Variants in NRG1 observed in about 807,000 individuals in gnomAD.
NRG1 encodes pro-neuregulin-1, membrane-bound isoform.
In NRG1, 18 loss-of-function variants were observed where a neutral mutation model predicts 63.8. The ratio of observed to expected loss-of-function variants is 0.28; its 90% CI spans 0.19 to 0.42. The LOEUF (loss-of-function observed/expected upper bound fraction) is 0.42, where lower values mean the gene tolerates loss of function less well. Among genes scored for constraint, NRG1 ranks in the 10% least tolerant of loss-of-function variants. The pLI is 1.00. For synonymous variants in NRG1, 302 were observed against 301.3 expected (o/e 1.00, Z -0.02); for missense variants, 762 against 814.7 (o/e 0.94, Z 0.79).
intron 1 of NRG1, among the ~76,000 whole-genome samples, chr8:32,109,719 G>A (rs1284795299): frequency 6.6e-6 from 1 of 152,048 alleles, no homozygotes; most frequent in Non-Finnish European, 1.5e-5. Context: ...GAAAATGAAA[G>A]TTCCCCTTCA....
At chr8:31,642,794 G>A (rs1319897752) in intron 1 of NRG1, among the ~76,000 whole-genome samples, 1 of 152,182 alleles carries the variant, frequency 6.6e-6, no homozygotes, top group Non-Finnish European at 1.5e-5. Context: ...ATGATTTAAA[G>A]TAGGATATTG....
intron 1 of NRG1, among the ~76,000 whole-genome samples, chr8:31,771,761 C>G (rs1448187076): frequency 1.3e-5 from 2 of 152,164 alleles, no homozygotes; most frequent in East Asian, 3.9e-4. Flanking sequence ...GTGCCAGAGC[C>G]AATCTTCTTG....
At chr8:32,238,147 G>A (rs1026723122) in intron 1 of NRG1, among the ~76,000 whole-genome samples, 1 of 152,042 alleles carries the variant, frequency 6.6e-6, no homozygotes, top group Non-Finnish European at 1.5e-5. Context: ...AATAATCTGT[G>A]CTTGCTCAAA....
intron 1 of NRG1, among the ~76,000 whole-genome samples, chr8:31,834,011 G>T (rs769888274): frequency 1.3e-5 from 2 of 152,160 alleles, no homozygotes; most frequent in Admixed American, 6.5e-5. Context: ...TGGCTTGCAG[G>T]TGGGTTCTTG....
chr8:32,289,729 C>G (rs1318192904), intron 1 of NRG1, among the ~76,000 whole-genome samples: 3 of 152,036 alleles, frequency 2.0e-5, no homozygotes, highest in Admixed American at 2.0e-4. Flanking sequence ...AAATGAGATA[C>G]TCATGAATAT....
chr8:31,655,680 A>G (rs1472088544), intron 1 of NRG1, among the ~76,000 whole-genome samples: 1 of 152,212 alleles, frequency 6.6e-6, no homozygotes, highest in Non-Finnish European at 1.5e-5. Flanking sequence ...AAACATCACA[A>G]CTGCTGGTTA....
At chr8:31,789,183 G>A (rs1460993647) in intron 1 of NRG1, among the ~76,000 whole-genome samples, 4 of 152,168 alleles carry the variant, frequency 2.6e-5, no homozygotes, top group Non-Finnish European at 5.9e-5. Flanking sequence ...AGAGAGATTA[G>A]CTTTATGGAG....
At chr8:31,978,701 A>G (rs327421) in intron 1 of NRG1, among the ~76,000 whole-genome samples, 3,276 of 152,278 alleles carry the variant, frequency 0.022, 107 homozygotes, top group African/African-American at 0.075. Context: ...AGCAAATTAT[A>G]TAAAAATGAA....
intron 1 of NRG1, among the ~76,000 whole-genome samples, chr8:32,301,299 T>C (rs548263217): frequency 1.3e-5 from 2 of 152,260 alleles, no homozygotes; most frequent in African/African-American, 4.8e-5. Flanking sequence ...TTCCACAATC[T>C]CTGATTCAGG....
At chr8:31,839,186 A>T (rs1425041107) in intron 1 of NRG1, among the ~76,000 whole-genome samples, 1 of 152,216 alleles carries the variant, frequency 6.6e-6, no homozygotes, top group Non-Finnish European at 1.5e-5. Flanking sequence ...TTATTCTTTT[A>T]AAGTTTTATT....
chr8:32,742,616 A>G lies in NRG1; in HGVS notation c.633-59A>G, dbSNP rs972416976. 8.1e-6 allele frequency: 11 copies of G among 1,353,790 alleles called. No homozygotes were observed. The highest frequency in any genetic ancestry group is 1.4e-5 in the African/African-American group (1 of 69,600). 83.9% of individuals were successfully genotyped at this position (1,353,790 alleles called of 1,614,324 possible). On this transcript the variant is annotated intron_variant, in intron 6 of 11. Coordinates refer to ENST00000356819, the Ensembl canonical transcript of NRG1. This position sits in a 1 kb window ranked among gnomAD's most constrained non-coding sequence, Gnocchi z 4.2. ...CTGAAGGAGCTTCTTTCTAGCATAT[A>G]TTCACCTCTTCTCTTTTTCTCTGTT...
intron 5 of NRG1, among the ~76,000 whole-genome samples, chr8:32,660,927 G>T (rs979688043): frequency 4.6e-5 from 7 of 152,178 alleles, no homozygotes; most frequent in African/African-American, 1.7e-4. Flanking sequence ...TCAGGAAAGG[G>T]CCAGGAATTC....
chr8:32,734,357 G>GAAAGAGAAATTTGGA (rs1195428229), intron 6 of NRG1, among the ~76,000 whole-genome samples: 1 of 152,204 alleles, frequency 6.6e-6, no homozygotes, highest in Non-Finnish European at 1.5e-5. Flanking sequence ...CATGGCTGCA[G>GAAAGAGAAATTTGGA]AAAGAGAAAT....
At chr8:32,278,330 A>G (rs936925548) in intron 1 of NRG1, among the ~76,000 whole-genome samples, 11 of 152,160 alleles carry the variant, frequency 7.2e-5, no homozygotes, top group African/African-American at 2.7e-4. Context: ...GGGGGAAAAA[A>G]AGTTGAGAAA....
chr8:32,143,999 G>A (rs1455019110), intron 1 of NRG1, among the ~76,000 whole-genome samples: 2 of 152,182 alleles, frequency 1.3e-5, no homozygotes, highest in Admixed American at 6.5e-5. Flanking sequence ...CTCCCATGAG[G>A]CTATAATCTG....
At chr8:32,577,559 A>C (rs1839886257) in intron 1 of NRG1, among the ~76,000 whole-genome samples, 1 of 152,210 alleles carries the variant, frequency 6.6e-6, no homozygotes, top group South Asian at 2.1e-4. Flanking sequence ...GGCTAGGTGA[A>C]GAGAATTCAA....
At chr8:31,660,858 T>C (rs1805920263) in intron 1 of NRG1, among the ~76,000 whole-genome samples, 1 of 152,240 alleles carries the variant, frequency 6.6e-6, no homozygotes, top group Admixed American at 6.5e-5. Context: ...AGTCATTTTC[T>C]ATATTATTTG....
At position 32,653,128 on chromosome 8, in the gene NRG1, TTTTTG is replaced by T. The variant is rs561468120; in HGVS notation, c.502+36247_502+36251del. 7.7e-3 allele frequency among the ~76,000 whole-genome samples: 1,160 copies of T among 150,728 alleles called. 3 individuals are homozygous for T. Among genetic ancestry groups the T allele is most frequent in the Middle Eastern group, 0.024 (7 of 294 alleles). On this transcript the variant is annotated intron_variant, in intron 5 of 11. Coordinates refer to ENST00000356819, the Ensembl canonical transcript of NRG1. ...CTTCTATTATTTCCTCTTTGGTTTT[TTTTTG>T]TTTGTTTGTTTGTTTGTTTGTTTTT...
At chr8:31,838,215 C>T (rs1330368117) in intron 1 of NRG1, among the ~76,000 whole-genome samples, 7 of 151,948 alleles carry the variant, frequency 4.6e-5, no homozygotes, top group Non-Finnish European at 1.0e-4. Context: ...CCATCTTTTT[C>T]CCAGTTATTT....
Sources: allele counts gnomAD v4.1 joint callset (sites outside exome capture counted in the v4.1 genomes callset), GRCh38; gene constraint gnomAD v4.1.1; non-coding constraint Gnocchi (gnomAD v3.1); transcripts MANE v1.5; gene names NCBI Gene and HGNC (gene_info 2026-07-23, HGNC 2026-07-21).